Variants in SEPTIN9 observed in about 807,000 individuals in gnomAD.
SEPTIN9 encodes septin-9.
Under a neutral mutation model 56.6 loss-of-function variants are expected in SEPTIN9, and 13 were observed. That is an observed-to-expected ratio of 0.23 (90% confidence interval 0.15 to 0.37). The LOEUF (loss-of-function observed/expected upper bound fraction) is 0.37. SEPTIN9 is among the 10% of genes least tolerant of loss of function. The pLI is 1.00. For missense variants in SEPTIN9, 650 were observed against 823.1 expected, an observed-to-expected ratio of 0.79 and a Z score of 2.57; for synonymous variants, 332 against 334.1, an observed-to-expected ratio of 0.99 and a Z score of 0.07.
chr17:77,292,727 C>T (rs546523037), intron 1 of SEPTIN9, among the ~76,000 whole-genome samples: 75 of 152,274 alleles, frequency 4.9e-4, no homozygotes, highest in African/African-American at 1.8e-3. Flanking sequence ...CTCTTGACCT[C>T]AGGTGATAGG....
intron 2 of SEPTIN9, among the ~76,000 whole-genome samples, chr17:77,324,647 C>T (rs1207690345): frequency 6.6e-6 from 1 of 152,124 alleles, no homozygotes; most frequent in East Asian, 1.9e-4. Context: ...CATATTCTTG[C>T]AGAAATGTCT....
intron 3 of SEPTIN9, among the ~76,000 whole-genome samples, chr17:77,447,720 G>T (rs1489158357): frequency 6.6e-6 from 1 of 152,250 alleles, no homozygotes; most frequent in Non-Finnish European, 1.5e-5. Context: ...CTCCTCCCGG[G>T]TTCAAGCGAT....
chr17:77,437,338 T>TAGA lies in SEPTIN9; in HGVS notation c.721+34636_721+34637insGAA, dbSNP rs1446401777. 2.0e-5 allele frequency among the ~76,000 whole-genome samples: 3 copies of TAGA among 152,092 alleles called. No individual in the cohort carries two copies. Among genetic ancestry groups the TAGA allele is most frequent in the Non-Finnish European group, 2.9e-5 (2 of 67,994 alleles). On this transcript the variant is annotated intron_variant, in intron 3 of 11. Transcript: ENST00000427177. The surrounding 1 kb of genome is among the most constrained non-coding windows in gnomAD (Gnocchi z 5.3). ...GGATGGAGCACCGACCCCTCCCTTC[T>TAGA]ACACCCCCACCCCACGCCCCCAGGA...
intron 3 of SEPTIN9, among the ~76,000 whole-genome samples, chr17:77,440,139 T>C (rs967532980): frequency 1.3e-5 from 2 of 152,114 alleles, no homozygotes; most frequent in Non-Finnish European, 2.9e-5. Flanking sequence ...TTTTACCTTT[T>C]TCATATACCT....
rs552116203 is a variant in SEPTIN9 at position 77,313,286 on chromosome 17, C to T, written c.76+6089C>T. Among the ~76,000 whole-genome samples, 27 of 152,306 alleles carry T rather than the reference C, an allele frequency of 1.8e-4. No homozygotes were observed. Among genetic ancestry groups the T allele is most frequent in the Admixed American group, 7.8e-4 (12 of 15,302 alleles). ...TACAGCCCAGATGGTTGGCTGAGCA[C>T]GAGCATGTGAGAGTGGAATTGGGCC... On this transcript the variant is annotated intron_variant, in intron 2 of 11. Transcript: ENST00000427177. This position sits in a 1 kb window ranked among gnomAD's most constrained non-coding sequence, Gnocchi z 4.5.
At chr17:77,339,921 G>A (rs902877190) in intron 2 of SEPTIN9, among the ~76,000 whole-genome samples, 8 of 151,970 alleles carry the variant, frequency 5.3e-5, no homozygotes, top group African/African-American at 1.7e-4. Flanking sequence ...CGCCTCCCAG[G>A]TTCAAGTGAT....
intron 1 of SEPTIN9, 94 bp downstream of exon 1, chr17:77,281,648 G>A (rs1171416725): frequency 1.1e-5 from 14 of 1,254,620 alleles, no homozygotes; most frequent in Non-Finnish European, 1.5e-5. Flanking sequence ...AGGCGCCCCC[G>A]GAGCTGAGCG....
intron 2 of SEPTIN9, among the ~76,000 whole-genome samples, chr17:77,354,804 G>C (rs2034172340): frequency 6.6e-6 from 1 of 152,120 alleles, no homozygotes; most frequent in Non-Finnish European, 1.5e-5. Context: ...ACGCCTGCTT[G>C]TTGCACTTTG....
intron 2 of SEPTIN9, among the ~76,000 whole-genome samples, chr17:77,361,175 T>A (rs935133155): frequency 6.6e-6 from 1 of 152,132 alleles, no homozygotes; most frequent in Non-Finnish European, 1.5e-5. Flanking sequence ...CCACCCGCCT[T>A]GGCCTCCCAA....
At chr17:77,340,913 C>T (rs2033704866) in intron 2 of SEPTIN9, among the ~76,000 whole-genome samples, 1 of 152,274 alleles carries the variant, frequency 6.6e-6, no homozygotes, top group Admixed American at 6.5e-5. Flanking sequence ...AACTTTCCTT[C>T]TCCAGCTTCC....
chr17:77,481,633 T>A (rs556378818), intron 3 of SEPTIN9, among the ~76,000 whole-genome samples: 1 of 150,828 alleles, frequency 6.6e-6, no homozygotes, highest in South Asian at 2.1e-4. Flanking sequence ...ATCCCTCCTG[T>A]GTCTTGGCTC....
intron 1 of SEPTIN9, among the ~76,000 whole-genome samples, chr17:77,305,716 C>G (rs1487575773): frequency 6.6e-6 from 1 of 151,616 alleles, no homozygotes; most frequent in African/African-American, 2.4e-5. Context: ...CTGCCAGTTG[C>G]TGAGTCTGGT....
At chr17:77,311,416 C>T (rs1835795666) in intron 2 of SEPTIN9, among the ~76,000 whole-genome samples, 1 of 152,160 alleles carries the variant, frequency 6.6e-6, no homozygotes, top group Non-Finnish European at 1.5e-5. Context: ...ACCCCGCCCG[C>T]AGGAAGTCTC....
intron 2 of SEPTIN9, among the ~76,000 whole-genome samples, chr17:77,345,834 G>A (rs540064352): frequency 5.3e-5 from 8 of 152,354 alleles, no homozygotes; most frequent in African/African-American, 1.4e-4. Flanking sequence ...TAAGGCCTCG[G>A]TCCAGTATCA....
intron 3 of SEPTIN9, among the ~76,000 whole-genome samples, chr17:77,465,807 C>G (rs887133533): frequency 6.6e-6 from 1 of 151,788 alleles, no homozygotes; most frequent in Non-Finnish European, 1.5e-5. Context: ...CTAGTTGCAG[C>G]GTGAGAGAGG....
intron 3 of SEPTIN9, among the ~76,000 whole-genome samples, chr17:77,441,381 T>G (rs2037541788): frequency 6.6e-6 from 1 of 152,206 alleles, no homozygotes; most frequent in Non-Finnish European, 1.5e-5. Context: ...CAAGGCCCTC[T>G]CTGGGGGATT....
rs1567991744 is a variant in SEPTIN9, at chr17:77,320,415, C to CT, written c.76+13219dup. The CT allele has an allele frequency of 2.9e-6, 4 of 1,383,856 alleles. No homozygotes were observed. In the African/African-American group the frequency reaches 4.3e-5, roughly 15 times the overall value. 85.7% of individuals were successfully genotyped at this position (1,383,856 alleles called of 1,614,324 possible). A position where few individuals can be genotyped will look rare whatever the true frequency, so the allele number is the denominator to read the frequency against. ...CCTGGACTCGGGGCTTTATTTATGC[C>CT]TGGGGGAATAAGCATGCAAAGGGCG... On this transcript the variant is annotated intron_variant, in intron 2 of 11. Coordinates refer to ENST00000427177, the MANE Select transcript of SEPTIN9 (RefSeq NM_001113491.2).
chr17:77,331,952 T>A (rs2033380834), intron 2 of SEPTIN9, among the ~76,000 whole-genome samples: 1 of 152,194 alleles, frequency 6.6e-6, no homozygotes, highest in East Asian at 1.9e-4. Flanking sequence ...TTTTTCCAAC[T>A]TTTTGCCGTA....
chr17:77,377,811 G>T (rs1010185487), intron 2 of SEPTIN9, among the ~76,000 whole-genome samples: 1 of 152,184 alleles, frequency 6.6e-6, no homozygotes, highest in Non-Finnish European at 1.5e-5. Context: ...AATGCCAGTA[G>T]GCCTCTTGCG....
Sources: allele counts gnomAD v4.1 joint callset (sites outside exome capture counted in the v4.1 genomes callset), GRCh38; gene constraint gnomAD v4.1.1; non-coding constraint Gnocchi (gnomAD v3.1); transcripts MANE v1.5; gene names NCBI Gene and HGNC (gene_info 2026-07-23, HGNC 2026-07-21).